FRMD4A: variants seen among roughly 807,000 people sequenced by gnomAD.
FRMD4A encodes the protein FERM domain containing 4A, also known as FERM domain-containing protein 4A.
A neutral mutation model predicts 129.1 loss-of-function variants in FRMD4A; 29 were observed. The ratio of observed to expected loss-of-function variants is 0.22; its 90% CI spans 0.17 to 0.31. FRMD4A has a LOEUF of 0.31. Among genes scored for constraint, FRMD4A ranks in the 10% least tolerant of loss-of-function variants. FRMD4A has a pLI of 1.00. For synonymous variants in FRMD4A, 634 were observed against 571.6 expected (o/e 1.11, Z -1.56); for missense variants, 1,272 against 1,375.8 (o/e 0.92, Z 1.19).
intron 2 of FRMD4A, among the ~76,000 whole-genome samples, chr10:14,203,028 C>G (rs576981293): frequency 1.3e-5 from 2 of 152,226 alleles, no homozygotes; most frequent in East Asian, 3.9e-4. Flanking sequence ...CTACCTTGGC[C>G]TCCCAAAGTG....
At chr10:13,698,084 G>A (rs1489434762) in intron 14 of FRMD4A, among the ~76,000 whole-genome samples, 1 of 136,996 alleles carries the variant, frequency 7.3e-6, no homozygotes, top group African/African-American at 2.8e-5. Context: ...ATGGAGAGCT[G>A]ATGGAGGGAG....
At chr10:14,058,409 T>C (rs990609840) in intron 2 of FRMD4A, among the ~76,000 whole-genome samples, 7 of 152,250 alleles carry the variant, frequency 4.6e-5, no homozygotes, top group African/African-American at 1.7e-4. Flanking sequence ...GTACGTTGTC[T>C]AGTCTAGATC....
At chr10:13,717,598 G>A (rs527252396) in intron 12 of FRMD4A, among the ~76,000 whole-genome samples, 1 of 145,872 alleles carries the variant, frequency 6.9e-6, no homozygotes, top group Non-Finnish European at 1.5e-5. Context: ...ACAGGCATGA[G>A]CCAACGCACC....
chr10:14,030,952 A>T (rs555721102), intron 2 of FRMD4A, among the ~76,000 whole-genome samples: 1 of 152,290 alleles, frequency 6.6e-6, no homozygotes, highest in South Asian at 2.1e-4. Context: ...CACAAGGATG[A>T]ATTTCAAGAC....
rs557233564 is a variant in FRMD4A, at chr10:13,649,590, C to G, written c.*2+2313G>C. On this transcript the variant is annotated intron_variant, in intron 24 of 24. Coordinates refer to ENST00000357447, the MANE Select transcript of FRMD4A (RefSeq NM_018027.5). Reference sequence around the variant, plus strand: ...TAAAGATGTATTTTTTCCAAACTTGCGATGTTTTATACAGAATCTTTCTTA... The same window carrying G: ...TAAAGATGTATTTTTTCCAAACTTGGGATGTTTTATACAGAATCTTTCTTA... 5 of 152,224 alleles carry G rather than the reference C, an allele frequency of 3.3e-5. No individual in the cohort carries two copies. The South Asian group carries it at 1.0e-3, about 32-fold the overall frequency. 9.4% of individuals were successfully genotyped at this position (152,224 alleles called of 1,614,324 possible). A position where few individuals can be genotyped will look rare whatever the true frequency, so the allele number is the denominator to read the frequency against.
At chr10:14,029,836 T>G (rs1833153698) in intron 2 of FRMD4A, among the ~76,000 whole-genome samples, 2 of 152,198 alleles carry the variant, frequency 1.3e-5, no homozygotes. Context: ...ACTACATGTT[T>G]GTTTTTAATC....
intron 2 of FRMD4A, among the ~76,000 whole-genome samples, chr10:13,878,078 T>C (rs888103656): frequency 9.2e-5 from 14 of 152,000 alleles, no homozygotes; most frequent in Non-Finnish European, 1.8e-4. Flanking sequence ...TCTAAATATA[T>C]CCAGGGTGCA....
At position 13,884,158 on chromosome 10, in the gene FRMD4A, A is replaced by ACACACACT. The variant is rs1564970894; in HGVS notation, c.46-25247_46-25246insAGTGTGTG. On this transcript the variant is annotated intron_variant, in intron 2 of 24. Coordinates refer to ENST00000357447, the MANE Select transcript of FRMD4A (RefSeq NM_018027.5). ...CTCACACACACTCTCACACACTCTC[A>ACACACACT]CACACACACTCACACACTCACACAC... Among the ~76,000 whole-genome samples, 37 of 39,596 alleles carry ACACACACT rather than the reference A, an allele frequency of 9.3e-4. 1 individual carries two copies. The highest frequency in any genetic ancestry group is 4.2e-3 in the African/African-American group (34 of 8,028). 26.0% of individuals were successfully genotyped at this position (39,596 alleles called of 152,430 possible). A position where few individuals can be genotyped will look rare whatever the true frequency, so the allele number is the denominator to read the frequency against.
Position 13,670,501 on chromosome 10 carries a change from A to G in FRMD4A, c.1279T>C (p.Tyr427His). The G allele has an allele frequency of 6.2e-7, 1 of 1,613,100 alleles. No individual in the cohort carries two copies. Among genetic ancestry groups the G allele is most frequent in the Non-Finnish European group, 8.5e-7 (1 of 1,179,272 alleles). Residue 427 changes from tyrosine (Y) to histidine (H), a missense_variant, in exon 17 of 25, where the codon TAT (tyrosine) becomes CAT (histidine). This residue lies in a region of FRMD4A where 972 missense variants were observed against 892.3 expected (regional missense o/e 1.09). Coordinates refer to ENST00000357447, the MANE Select transcript of FRMD4A (RefSeq NM_018027.5). ...GGTTCCTCCCCTGGATCCAGGGGATATTCTACTGGCAGCTTGCCCGTGAGC... is the reference window on the plus strand; with the variant it reads ...GGTTCCTCCCCTGGATCCAGGGGATGTTCTACTGGCAGCTTGCCCGTGAGC... ...AELTGKLPVEYPLDPGEEPPI... is the reference protein window; with the variant it reads ...AELTGKLPVEHPLDPGEEPPI...
intron 2 of FRMD4A, among the ~76,000 whole-genome samples, chr10:13,901,567 C>G (rs1194772571): frequency 6.6e-6 from 1 of 150,406 alleles, no homozygotes; most frequent in African/African-American, 2.5e-5. Flanking sequence ...TGAGATCATG[C>G]CACTGCACTC....
chr10:14,328,223 C>T (rs144336799), intron 2 of FRMD4A, among the ~76,000 whole-genome samples: 5 of 151,990 alleles, frequency 3.3e-5, no homozygotes, highest in African/African-American at 9.6e-5. Context: ...TCCTTTTTTC[C>T]GGGCAGGAGG....
intron 21 of FRMD4A, among the ~76,000 whole-genome samples, chr10:13,659,081 T>C (rs956190022): frequency 5.3e-5 from 8 of 152,150 alleles, no homozygotes; most frequent in African/African-American, 1.9e-4. Context: ...CTTAGGAAAC[T>C]TTCCATGCTC....
intron 2 of FRMD4A, among the ~76,000 whole-genome samples, chr10:14,197,651 G>A (rs890994511): frequency 3.3e-5 from 5 of 152,156 alleles, no homozygotes; most frequent in Admixed American, 1.3e-4. Flanking sequence ...GTGAGCCACC[G>A]TGCCTGGCCA....
At chr10:13,853,894 C>T (rs1410731659) in intron 3 of FRMD4A, among the ~76,000 whole-genome samples, 4 of 148,764 alleles carry the variant, frequency 2.7e-5, no homozygotes, top group Non-Finnish European at 5.9e-5. Flanking sequence ...GCCAACCATT[C>T]ATCTAAAGTG....
At chr10:14,071,363 C>T (rs979338284) in intron 2 of FRMD4A, among the ~76,000 whole-genome samples, 4 of 152,214 alleles carry the variant, frequency 2.6e-5, no homozygotes, top group Admixed American at 6.5e-5. Flanking sequence ...TTCATATTAA[C>T]AGTGACCACT....
At chr10:14,188,268 A>G (rs1842209618) in intron 2 of FRMD4A, among the ~76,000 whole-genome samples, 2 of 152,158 alleles carry the variant, frequency 1.3e-5, no homozygotes, top group South Asian at 4.1e-4. Context: ...AGGACCCATG[A>G]CCTGCTTGCT....
chr10:13,930,533 A>G (rs73587316), intron 2 of FRMD4A, among the ~76,000 whole-genome samples: 1 of 152,076 alleles, frequency 6.6e-6, no homozygotes, highest in Non-Finnish European at 1.5e-5. Flanking sequence ...TTTGAATGAG[A>G]TATGGTTTGT....
At chr10:14,014,805 G>A (rs1488297120) in intron 2 of FRMD4A, among the ~76,000 whole-genome samples, 1 of 152,228 alleles carries the variant, frequency 6.6e-6, no homozygotes, top group East Asian at 1.9e-4. Context: ...GCTGTTTGCA[G>A]TATCTGTCTT....
At chr10:13,905,890 G>A (rs2094877027) in intron 2 of FRMD4A, among the ~76,000 whole-genome samples, 1 of 152,228 alleles carries the variant, frequency 6.6e-6, no homozygotes, top group African/African-American at 2.4e-5. Context: ...GGTTTCTGGA[G>A]GAGCGGAGGG....
Sources: allele counts gnomAD v4.1 joint callset (sites outside exome capture counted in the v4.1 genomes callset), GRCh38; gene constraint gnomAD v4.1.1; regional missense constraint gnomAD v4.1.1; transcripts MANE v1.5; gene names NCBI Gene and HGNC (gene_info 2026-07-23, HGNC 2026-07-21).